The following DPYSL3 variants were observed in gnomAD, a reference collection of about 807,000 sequenced individuals.
The protein encoded by DPYSL3 is dihydropyrimidinase-related protein 3.
DPYSL3 carries 16 observed loss-of-function variants against 66.1 expected under a neutral mutation model. The observed-to-expected ratio is 0.24, with a 90% CI of 0.16 to 0.37. The LOEUF is 0.37. Among genes scored for constraint, DPYSL3 ranks in the 10% least tolerant of loss-of-function variants. The pLI is 1.00. For synonymous variants in DPYSL3, 338 were observed against 345.1 expected (o/e 0.98, Z 0.23); for missense variants, 738 against 916.2 (o/e 0.81, Z 2.51).
Position 147,391,169 on chromosome 5 carries a change from G to C in DPYSL3, c.*2866C>G, listed in dbSNP as rs1315907639. ...TGGGAATTGCCCACCCTACTGGAAA[G>C]GGCTTCTCAGGGATGAGTGAAAATC... On this transcript the variant is annotated 3_prime_UTR_variant, in exon 14 of 14. Transcript: ENST00000343218. The C allele has an allele frequency of 6.6e-6, 1 of 152,584 alleles. No homozygotes were observed. The highest frequency in any genetic ancestry group is 1.5e-5 in the Non-Finnish European group (1 of 68,064). 9.5% of individuals were successfully genotyped at this position (152,584 alleles called of 1,614,324 possible).
intron 1 of DPYSL3, among the ~76,000 whole-genome samples, chr5:147,430,261 C>T (rs1457731651): frequency 6.6e-5 from 10 of 151,602 alleles, no homozygotes; most frequent in South Asian, 2.1e-4. Flanking sequence ...TTTGGGAGGC[C>T]GAGGCGGGTG....
chr5:147,453,650 G>T, intron 1 of DPYSL3: 1 of 1,501,144 alleles, frequency 6.7e-7, no homozygotes, highest in Non-Finnish European at 8.9e-7. Flanking sequence ...GCTCGCCCGC[G>T]CCTTCCTCAG....
chr5:147,447,546 G>A (rs1752649442), intron 1 of DPYSL3, among the ~76,000 whole-genome samples: 1 of 152,192 alleles, frequency 6.6e-6, no homozygotes, highest in Admixed American at 6.5e-5. Flanking sequence ...TGAGGAGGGA[G>A]TAACCAGGGA....
At chr5:147,427,448 T>G (rs1752218220) in intron 1 of DPYSL3, among the ~76,000 whole-genome samples, 1 of 152,162 alleles carries the variant, frequency 6.6e-6, no homozygotes, top group Non-Finnish European at 1.5e-5. Flanking sequence ...CCACATGATG[T>G]AAAGGTGTCT....
intron 1 of DPYSL3, among the ~76,000 whole-genome samples, chr5:147,445,668 T>A (rs772873058): frequency 1.3e-5 from 2 of 152,178 alleles, no homozygotes; most frequent in Non-Finnish European, 2.9e-5. Context: ...ATTTAAAATA[T>A]TAGCAAGAGC....
chr5:147,406,558 A>T (rs1052193719), intron 7 of DPYSL3, among the ~76,000 whole-genome samples: 2 of 152,220 alleles, frequency 1.3e-5, no homozygotes, highest in Non-Finnish European at 2.9e-5. Context: ...ATCCTTATAA[A>T]GCAGTTAGCT....
chr5:147,447,707 C>G (rs983406282), intron 1 of DPYSL3, among the ~76,000 whole-genome samples: 8 of 152,084 alleles, frequency 5.3e-5, no homozygotes, highest in Non-Finnish European at 8.8e-5. Flanking sequence ...CCTGTCTCTA[C>G]TAAAAATACA....
chr5:147,418,765 T>A, intron 2 of DPYSL3, 134 bp from the exon 3 acceptor site: 1 of 748,174 alleles, frequency 1.3e-6, no homozygotes, highest in Non-Finnish European at 2.1e-6. Context: ...TGCAAGTGAC[T>A]CACAAGCTTA....
At chr5:147,440,561 A>G (rs1030779113) in intron 1 of DPYSL3, among the ~76,000 whole-genome samples, 5 of 152,204 alleles carry the variant, frequency 3.3e-5, no homozygotes, top group Non-Finnish European at 7.3e-5. Context: ...GCACATCACT[A>G]TGAACATTAA....
chr5:147,454,277 G>GC (rs969974819), intron 1 of DPYSL3: 3 of 152,228 alleles, frequency 2.0e-5, no homozygotes, highest in Non-Finnish European at 4.4e-5. Flanking sequence ...GCCTTTGTTC[G>GC]AGAGGAGGGC....
At chr5:147,396,846 C>T (rs116018906) in intron 12 of DPYSL3, among the ~76,000 whole-genome samples, 2,989 of 140,794 alleles carry the variant, frequency 0.021, 90 homozygotes, top group African/African-American at 0.075. Context: ...CATATATATA[C>T]GTATATCTGT....
intron 8 of DPYSL3, among the ~76,000 whole-genome samples, chr5:147,402,914 ATG>A (rs1758235686): frequency 6.6e-6 from 1 of 152,206 alleles, no homozygotes; most frequent in African/African-American, 2.4e-5. Context: ...AAGTTTCTCT[ATG>A]CCAAAATCTG....
Position 147,444,613 on chromosome 5 carries a change from C to G in DPYSL3, c.382-19650G>C, listed in dbSNP as rs556921217. On this transcript the variant is annotated intron_variant, in intron 1 of 13. Coordinates refer to ENST00000343218, the MANE Select transcript of DPYSL3 (RefSeq NM_001197294.2). ...CATTTTGTCCTCCCTTTAAAAGGCT[C>G]TAGTGATTACCATTACACATAAACC... Among the ~76,000 whole-genome samples, 186 of 152,254 alleles carry G rather than the reference C, an allele frequency of 1.2e-3. 1 individual carries two copies. The highest frequency in any genetic ancestry group is 2.2e-3 in the Non-Finnish European group (149 of 68,030).
At chr5:147,447,868 T>A (rs1432842) in intron 1 of DPYSL3, among the ~76,000 whole-genome samples, 53,299 of 151,542 alleles carry the variant, frequency 0.35, 11,206 homozygotes, top group African/African-American at 0.57. Flanking sequence ...AACAAACACA[T>A]ATATCCATCA....
At chr5:147,435,249 T>C (rs748183421) in intron 1 of DPYSL3, among the ~76,000 whole-genome samples, 54 of 152,234 alleles carry the variant, frequency 3.5e-4, no homozygotes, top group Admixed American at 1.0e-3. Flanking sequence ...ACGGCAATTA[T>C]GATCACAGCG....
chr5:147,426,863 TA>T (rs544850681), intron 1 of DPYSL3, among the ~76,000 whole-genome samples: 140 of 152,306 alleles, frequency 9.2e-4, no homozygotes, highest in African/African-American at 3.2e-3. Flanking sequence ...CAGGGGAAAT[TA>T]TTTTTTTAAA....
intron 1 of DPYSL3, among the ~76,000 whole-genome samples, chr5:147,488,970 G>C (rs886220563): frequency 6.7e-6 from 1 of 149,880 alleles, no homozygotes; most frequent in Non-Finnish European, 1.5e-5. Flanking sequence ...AGCTGAGATC[G>C]CACCACTGTA....
At chr5:147,484,252 C>A (rs1196558344) in intron 1 of DPYSL3, among the ~76,000 whole-genome samples, 2 of 152,236 alleles carry the variant, frequency 1.3e-5, no homozygotes, top group African/African-American at 4.8e-5. Context: ...CCATCCTCCT[C>A]CCCTTCACCA....
chr5:147,474,185 A>G (rs1753123637), intron 1 of DPYSL3, among the ~76,000 whole-genome samples: 1 of 152,068 alleles, frequency 6.6e-6, no homozygotes, highest in Non-Finnish European at 1.5e-5. Context: ...GCTAGTAAGT[A>G]CAGTGTCTGG....
Sources: allele counts gnomAD v4.1 joint callset (sites outside exome capture counted in the v4.1 genomes callset), GRCh38; gene constraint gnomAD v4.1.1; transcripts MANE v1.5; gene names NCBI Gene and HGNC (gene_info 2026-07-23, HGNC 2026-07-21).